SPOCK3: variants seen among roughly 807,000 people sequenced by gnomAD.
The protein encoded by SPOCK3 is SPARC (osteonectin), cwcv and kazal like domains proteoglycan 3.
Under a neutral mutation model 56.6 loss-of-function variants are expected in SPOCK3, and 30 were observed. The ratio of observed to expected loss-of-function variants is 0.53; its 90% CI spans 0.40 to 0.72. The LOEUF (loss-of-function observed/expected upper bound fraction) is 0.72. Ranked by LOEUF, SPOCK3 falls within the 30% of genes least tolerant of loss-of-function variation. The probability of loss-of-function intolerance (pLI) is 0.00; values close to 1 mark genes in which losing one functional copy is unlikely to be tolerated. For missense variants in SPOCK3, 527 were observed against 530.0 expected (o/e 0.99, Z 0.06); for synonymous variants, 196 against 183.3 (o/e 1.07, Z -0.56).
intron 2 of SPOCK3, among the ~76,000 whole-genome samples, chr4:167,094,609 G>C (rs1758987881): frequency 6.6e-6 from 1 of 152,024 alleles, no homozygotes; most frequent in Non-Finnish European, 1.5e-5. Context: ...GAGCAAACTA[G>C]GAATAGAAGT....
intron 4 of SPOCK3, among the ~76,000 whole-genome samples, chr4:166,913,602 T>C (rs997333272): frequency 6.6e-6 from 1 of 152,146 alleles, no homozygotes; most frequent in Non-Finnish European, 1.5e-5. Context: ...CCAGAAACAT[T>C]TTTTTTCTTT....
At chr4:167,001,185 T>A (rs965279527) in intron 3 of SPOCK3, among the ~76,000 whole-genome samples, 1 of 152,212 alleles carries the variant, frequency 6.6e-6, no homozygotes. Flanking sequence ...TTTTTCAGTA[T>A]GTTTGCAATT....
At chr4:166,996,047 G>A (rs1223925430) in intron 4 of SPOCK3, among the ~76,000 whole-genome samples, 1 of 152,056 alleles carries the variant, frequency 6.6e-6, no homozygotes, top group Non-Finnish European at 1.5e-5. Flanking sequence ...TATAAACCAT[G>A]AATTCCAAGA....
At chr4:167,207,690 C>T (rs769721606) in intron 2 of SPOCK3, among the ~76,000 whole-genome samples, 2 of 152,042 alleles carry the variant, frequency 1.3e-5, no homozygotes, top group South Asian at 2.1e-4. Context: ...AAATGTAAAC[C>T]TATTTCAATA....
intron 7 of SPOCK3, among the ~76,000 whole-genome samples, chr4:166,774,969 T>C (rs1739365758): frequency 1.3e-5 from 2 of 152,198 alleles, no homozygotes; most frequent in South Asian, 2.1e-4. Flanking sequence ...TAGCAGTACC[T>C]AGACTACTGT....
chr4:166,765,905 C>T (rs143863381), intron 7 of SPOCK3, among the ~76,000 whole-genome samples: 29,827 of 151,948 alleles, frequency 0.2, 3,541 homozygotes, highest in South Asian at 0.3. Flanking sequence ...TCCTTCACAT[C>T]CCTTTTAAGT....
At chr4:166,987,530 T>C (rs1561088815) in intron 4 of SPOCK3, among the ~76,000 whole-genome samples, 1 of 152,162 alleles carries the variant, frequency 6.6e-6, no homozygotes, top group Non-Finnish European at 1.5e-5. Flanking sequence ...TCTAACACCA[T>C]AACCCAGGTG....
chr4:166,811,418 A>G (rs1170125282), intron 6 of SPOCK3, among the ~76,000 whole-genome samples: 1 of 151,192 alleles, frequency 6.6e-6, no homozygotes, highest in Non-Finnish European at 1.5e-5. Flanking sequence ...TTATTATCCT[A>G]TAGTTTCATG....
chr4:166,887,653 G>T lies in SPOCK3; in HGVS notation c.589+1477C>A, dbSNP rs1009729780. Among the ~76,000 whole-genome samples the T allele has an allele frequency of 1.1e-4, 17 of 151,964 alleles. 1 individual carries two copies. The highest frequency in any genetic ancestry group is 7.9e-4 in the Admixed American group (12 of 15,232). ...AGAGAGTGGATTGGAGGAGATGAGG[G>T]CTGAGGACTACAGAAGGAACCACAC... On this transcript the variant is annotated intron_variant, in intron 6 of 10. Coordinates refer to ENST00000357545, the MANE Select transcript of SPOCK3 (RefSeq NM_001040159.2).
intron 8 of SPOCK3, among the ~76,000 whole-genome samples, chr4:166,743,512 C>G (rs374389525): frequency 9.9e-5 from 15 of 152,198 alleles, no homozygotes; most frequent in African/African-American, 2.9e-4. Flanking sequence ...CAAACAGGAA[C>G]AGCTCCAGTC....
At chr4:166,848,287 G>GAA (rs2126861304) in intron 6 of SPOCK3, among the ~76,000 whole-genome samples, 1 of 152,248 alleles carries the variant, frequency 6.6e-6, no homozygotes, top group East Asian at 1.9e-4. Context: ...GACTAGAAAA[G>GAA]GGAGTCAGAA....
rs1206035959 is a variant in SPOCK3 at position 167,234,064 on chromosome 4, T to C, written c.110A>G (p.Asn37Ser). ...GAGCCATTGTTTATCATCCAGAAAA[T>C]TACCGCCGTCCGACCGCCCCCCGGC... ...AAAGGRSDGG[N>S]FLDDKQWLTT... Residue 37 changes from asparagine to serine, a missense_variant, in exon 2 of 11, where the codon AAT (asparagine) becomes AGT (serine). Asn to Ser is a conservative substitution (Grantham distance 46). Coordinates refer to ENST00000357545, the MANE Select transcript of SPOCK3 (RefSeq NM_001040159.2). The C allele has an allele frequency of 1.9e-6, 3 of 1,613,482 alleles. No individual in the cohort carries two copies. Among genetic ancestry groups the C allele is most frequent in the Non-Finnish European group, 2.5e-6 (3 of 1,179,946 alleles).
At chr4:166,900,835 A>C (rs1446992074) in intron 5 of SPOCK3, among the ~76,000 whole-genome samples, 3 of 152,144 alleles carry the variant, frequency 2.0e-5, no homozygotes, top group Admixed American at 1.3e-4. Context: ...GGACCCACTA[A>C]TCTTGTGGTA....
At chr4:167,105,463 T>TAAAAAAAAAAAAA (rs552028589) in intron 2 of SPOCK3, among the ~76,000 whole-genome samples, 4 of 98,680 alleles carry the variant, frequency 4.1e-5, no homozygotes, top group East Asian at 3.0e-4. Flanking sequence ...ACACAAAAAT[T>TAAAAAAAAAAAAA]AAAAAAAAAA....
chr4:167,029,531 A>C (rs10471190), intron 3 of SPOCK3, among the ~76,000 whole-genome samples: 55,042 of 151,888 alleles, frequency 0.36, 12,358 homozygotes, highest in African/African-American at 0.64. Context: ...CATTTGCTTT[A>C]AGATTATAAT....
intron 2 of SPOCK3, among the ~76,000 whole-genome samples, chr4:167,115,471 T>C (rs944152416): frequency 4.0e-4 from 61 of 152,064 alleles, no homozygotes; most frequent in African/African-American, 7.5e-4. Flanking sequence ...GGGTAACTTA[T>C]GTATAATTAT....
intron 2 of SPOCK3, among the ~76,000 whole-genome samples, chr4:167,200,445 G>A (rs925483169): frequency 1.6e-4 from 25 of 151,870 alleles, no homozygotes; most frequent in Non-Finnish European, 2.9e-4. Context: ...ACGGCAAGGA[G>A]TACTATACTG....
intron 1 of SPOCK3, 78 bp from the exon 2 acceptor site, chr4:167,234,251 G>C (rs1346073030): frequency 6.9e-7 from 1 of 1,455,902 alleles, no homozygotes; most frequent in Non-Finnish European, 9.5e-7. Context: ...AGCGACCCTG[G>C]AAAACATGCA....
At chr4:167,232,321 C>T (rs1365454001) in intron 2 of SPOCK3, among the ~76,000 whole-genome samples, 6 of 150,416 alleles carry the variant, frequency 4.0e-5, no homozygotes, top group South Asian at 2.1e-4. Flanking sequence ...ATTCTCCCAG[C>T]GAGGAATCTT....
Sources: allele counts gnomAD v4.1 joint callset (sites outside exome capture counted in the v4.1 genomes callset), GRCh38; gene constraint gnomAD v4.1.1; transcripts MANE v1.5; gene names NCBI Gene and HGNC (gene_info 2026-07-23, HGNC 2026-07-21).